The following ATRX variants were observed in gnomAD, a reference collection of about 807,000 sequenced individuals.
ATRX encodes the protein chromatin remodeler ATRX.
In ATRX, 12 loss-of-function variants were observed where a neutral mutation model predicts 172.6. The ratio of observed to expected loss-of-function variants is 0.07; its 90% CI spans 0.04 to 0.11. The LOEUF (loss-of-function observed/expected upper bound fraction) is 0.11. Ranked by LOEUF, ATRX falls within the 10% of genes least tolerant of loss-of-function variation. ATRX has a pLI of 1.00. For missense variants in ATRX, 1,368 were observed against 1,767.4 expected (o/e 0.77, Z 4.05); for synonymous variants, 674 against 594.7 (o/e 1.13, Z -1.94).
chrX:77,633,829 C>A, intron 17 of ATRX, 117 bp from the exon 18 acceptor site: 1 of 790,555 alleles, frequency 1.3e-6, no homozygotes, highest in Non-Finnish European at 1.8e-6. Flanking sequence ...CCAGAATTTC[C>A]AAACCAGGCA....
At chrX:77,537,499 C>G (rs1438180157) in intron 30 of ATRX, among the ~76,000 whole-genome samples, 1 of 110,316 alleles carries the variant, frequency 9.1e-6, no homozygotes, top group African/African-American at 3.3e-5. Flanking sequence ...AACACCTTTT[C>G]TAATAGTGTG....
At chrX:77,561,009 C>G (rs916619671) in intron 28 of ATRX, among the ~76,000 whole-genome samples, 2 of 110,567 alleles carry the variant, frequency 1.8e-5, no homozygotes, top group Non-Finnish European at 3.8e-5. Context: ...TAGAGCCTTA[C>G]TAAATACAAT....
At chrX:77,629,856 C>A (rs1352286911) in intron 19 of ATRX, among the ~76,000 whole-genome samples, 1 of 111,751 alleles carries the variant, frequency 8.9e-6, no homozygotes, top group Non-Finnish European at 1.9e-5. Context: ...CTAAGAAGGG[C>A]AATTAGGCAA....
chrX:77,599,328 GGTAA>G, intron 25 of ATRX, 79 bp downstream of exon 25: 1 of 1,051,224 alleles, frequency 9.5e-7, no homozygotes, highest in Non-Finnish European at 1.3e-6. Flanking sequence ...CAATTAGTCA[GGTAA>G]GTGACTGAAA....
chrX:77,588,726 T>C (rs928642245), intron 27 of ATRX, among the ~76,000 whole-genome samples: 4 of 111,553 alleles, frequency 3.6e-5, no homozygotes, highest in Admixed American at 1.9e-4. Flanking sequence ...ATATATATGA[T>C]AGGGGCCTAG....
Position 77,527,537 on chromosome X carries a change from A to T in ATRX, c.6700-4136T>A, listed in dbSNP as rs111764569. On this transcript the variant is annotated intron_variant, in intron 30 of 34. Transcript: ENST00000373344. ...TCCACCAGGACCTTGGGTCTGATAC[A>T]CAGAGCTGTGTGGAGTCTCAGCAAA... Among the ~76,000 whole-genome samples, 233 of 112,258 alleles carry T rather than the reference A, an allele frequency of 2.1e-3. 2 individuals carry two copies. The highest frequency in any genetic ancestry group is 7.1e-3 in the African/African-American group (220 of 30,939).
At chrX:77,726,828 TAAA>T in intron 1 of ATRX, among the ~76,000 whole-genome samples, 1 of 99,355 alleles carries the variant, frequency 1.0e-5, no homozygotes, top group Admixed American at 1.1e-4. Flanking sequence ...TAATGTCACT[TAAA>T]AAAAAAAAAA....
intron 1 of ATRX, among the ~76,000 whole-genome samples, chrX:77,721,007 C>T (rs1389895932): frequency 8.9e-6 from 1 of 112,018 alleles, no homozygotes; most frequent in Non-Finnish European, 1.9e-5. Context: ...CCCTGTGATA[C>T]ACAGCTGGTT....
intron 26 of ATRX, among the ~76,000 whole-genome samples, chrX:77,590,392 C>T (rs1383679815): frequency 2.7e-5 from 3 of 110,041 alleles, no homozygotes; most frequent in Non-Finnish European, 5.7e-5. Context: ...GGGTGGATCA[C>T]GAGGTCAGGA....
intron 1 of ATRX, among the ~76,000 whole-genome samples, chrX:77,731,170 G>A (rs1557176021): frequency 9.2e-6 from 1 of 109,047 alleles, no homozygotes; most frequent in East Asian, 2.9e-4. Flanking sequence ...AACCAATACT[G>A]CAGAAATAAA....
chrX:77,597,794 C>G (rs2066520726), intron 25 of ATRX, among the ~76,000 whole-genome samples: 1 of 111,924 alleles, frequency 8.9e-6, no homozygotes, highest in Non-Finnish European at 1.9e-5. Context: ...CAAAAAACAG[C>G]AGATGCTGGA....
Position 77,621,380 on chromosome X carries a change from G to C in ATRX, c.5135-848C>G, listed in dbSNP as rs782352817. ...GCTGGAATGCAGTGGCACAATCTTG[G>C]GTCACTGCAACCTCCACCTCCCGGG... On this transcript the variant is annotated intron_variant, in intron 19 of 34. Coordinates refer to ENST00000373344, the MANE Select transcript of ATRX (RefSeq NM_000489.6). Among the ~76,000 whole-genome samples, 8 of 110,148 alleles carry C rather than the reference G, an allele frequency of 7.3e-5. No individual in the cohort carries two copies. The South Asian group carries it at 3.1e-3, about 43-fold the overall frequency.
intron 34 of ATRX, among the ~76,000 whole-genome samples, chrX:77,514,052 G>A (rs1316967389): frequency 1.8e-5 from 2 of 111,048 alleles, no homozygotes; most frequent in Admixed American, 9.5e-5. Flanking sequence ...AGCTAACCAG[G>A]GAGGTAAAAG....
chrX:77,716,961 G>C (rs1169869376), intron 2 of ATRX, among the ~76,000 whole-genome samples, 170 bp downstream of exon 2: 3 of 111,185 alleles, frequency 2.7e-5, no homozygotes, highest in East Asian at 5.6e-4. Context: ...ATCAGATATA[G>C]CTAAGATACA....
chrX:77,737,350 G>C (rs2074622663), intron 1 of ATRX, among the ~76,000 whole-genome samples: 1 of 99,779 alleles, frequency 1.0e-5, no homozygotes, highest in African/African-American at 3.7e-5. Flanking sequence ...TTGAACCCAG[G>C]AGGCGGAGGT....
At chrX:77,548,204 A>G (rs1308972595) in intron 30 of ATRX, among the ~76,000 whole-genome samples, 2 of 111,671 alleles carry the variant, frequency 1.8e-5, no homozygotes, top group African/African-American at 6.5e-5. Flanking sequence ...TTTACTTGGC[A>G]TCAATCACCC....
intron 30 of ATRX, among the ~76,000 whole-genome samples, chrX:77,532,165 C>T (rs1486333297): frequency 2.7e-5 from 3 of 111,244 alleles, no homozygotes; most frequent in Non-Finnish European, 1.9e-5. Context: ...ACATTCCATG[C>T]TCATGGATAG....
chrX:77,523,113 G>C, intron 31 of ATRX, 139 bp downstream of exon 31: 1 of 837,121 alleles, frequency 1.2e-6, no homozygotes, highest in Non-Finnish European at 1.7e-6. Context: ...AACCCATAAA[G>C]AGATTCTTGT....
At chrX:77,694,557 A>T (rs1331420120) in intron 5 of ATRX, among the ~76,000 whole-genome samples, 1 of 111,082 alleles carries the variant, frequency 9.0e-6, no homozygotes, top group Non-Finnish European at 1.9e-5. Context: ...CCCTAACAAT[A>T]AATTGTAGAA....
Sources: allele counts gnomAD v4.1 joint callset (sites outside exome capture counted in the v4.1 genomes callset), GRCh38; gene constraint gnomAD v4.1.1; transcripts MANE v1.5; gene names NCBI Gene and HGNC (gene_info 2026-07-23, HGNC 2026-07-21).